Variants in FAM178B observed in about 807,000 individuals in gnomAD.
FAM178B encodes the protein family with sequence similarity 178 member B.
In FAM178B, 82 loss-of-function variants were observed where a neutral mutation model predicts 91.7. The observed-to-expected ratio is 0.89, with a 90% CI of 0.75 to 1.07. The LOEUF (loss-of-function observed/expected upper bound fraction) is 1.07, where lower values mean the gene tolerates loss of function less well. Among genes scored for constraint, FAM178B ranks in the 50% least tolerant of loss-of-function variants. The pLI is 0.00. For synonymous variants in FAM178B, 368 were observed against 359.4 expected (o/e 1.02, Z -0.27); for missense variants, 769 against 846.7 (o/e 0.91, Z 1.14).
chr2:96,933,298 C>T (rs1257498693), intron 8 of FAM178B, among the ~76,000 whole-genome samples: 1 of 152,086 alleles, frequency 6.6e-6, no homozygotes, highest in African/African-American at 2.4e-5. Flanking sequence ...AGCCCAAAGA[C>T]TCTGGGCTCT....
At chr2:96,937,933 C>T (rs1042822197) in intron 8 of FAM178B, among the ~76,000 whole-genome samples, 4 of 152,132 alleles carry the variant, frequency 2.6e-5, no homozygotes, top group Non-Finnish European at 5.9e-5. Flanking sequence ...GACGCTGAGG[C>T]AGGAGGATCA....
chr2:96,927,290 AG>A (rs2081458115), intron 9 of FAM178B, among the ~76,000 whole-genome samples: 1 of 152,226 alleles, frequency 6.6e-6, no homozygotes, highest in African/African-American at 2.4e-5. Context: ...AAGCCTCCCC[AG>A]CCCTGAGGGG....
At chr2:96,925,905 C>A (rs1207329277) in intron 9 of FAM178B, among the ~76,000 whole-genome samples, 1 of 152,228 alleles carries the variant, frequency 6.6e-6, no homozygotes, top group Admixed American at 6.5e-5. Context: ...TAACCAAGAG[C>A]TGCCTCTTTA....
chr2:96,930,871 CCT>C (rs2081528513), intron 8 of FAM178B, among the ~76,000 whole-genome samples: 3 of 152,110 alleles, frequency 2.0e-5, no homozygotes, highest in African/African-American at 7.2e-5. Flanking sequence ...GCTGGTTGCC[CCT>C]TTTACCCTTC....
At chr2:96,941,817 C>T (rs1172870509) in intron 8 of FAM178B, among the ~76,000 whole-genome samples, 2 of 152,214 alleles carry the variant, frequency 1.3e-5, no homozygotes, top group African/African-American at 2.4e-5. Flanking sequence ...GTTTTGATCT[C>T]GCTGATAGAG....
intron 1 of FAM178B, among the ~76,000 whole-genome samples, chr2:96,978,189 T>A (rs2082317110): frequency 6.6e-6 from 1 of 152,086 alleles, no homozygotes; most frequent in Admixed American, 6.6e-5. Context: ...TCTCAGAAAA[T>A]TAGGTGTTTG....
intron 13 of FAM178B, chr2:96,898,165 T>C: frequency 1.0e-6 from 1 of 970,442 alleles, no homozygotes; most frequent in African/African-American, 1.8e-5. Context: ...TTGATAGGAT[T>C]TCTCCAGCAC....
rs867314389 is a variant in FAM178B at position 96,875,964 on chromosome 2, T to C, written c.*312A>G. On this transcript the variant is annotated 3_prime_UTR_variant, in exon 17 of 17. Coordinates refer to ENST00000490605, the MANE Select transcript of FAM178B (RefSeq NM_001122646.3). ...ACAGAGGAAGGAGGGTGGGGAGGAC[T>C]GAGGCCCAGGGAAACCAGAGCTATG... is the stretch of plus-strand genomic sequence containing the variant. The C allele has an allele frequency of 1.5e-4, 64 of 425,056 alleles. No homozygotes were observed. In the Middle Eastern group the frequency reaches 1.5e-3, roughly 10 times the overall value. 26.3% of individuals were successfully genotyped at this position (425,056 alleles called of 1,614,324 possible).
Position 96,895,041 on chromosome 2 carries a change from A to C in FAM178B, c.1651-990T>G, listed in dbSNP as rs1323459442. The C allele has an allele frequency of 4.7e-6, 6 of 1,287,738 alleles. No homozygotes were observed. The South Asian group carries it at 6.2e-5, about 13-fold the overall frequency. The allele number at this position is 1,287,738 out of a possible 1,614,324, so 79.8% of individuals were successfully genotyped here. Reference sequence around the variant, plus strand: ...CACCATGAAGAGAGACCATGGACTAAGTCCCCAACAGTCCATCACCATGAG... The same window carrying C: ...CACCATGAAGAGAGACCATGGACTACGTCCCCAACAGTCCATCACCATGAG... On this transcript the variant is annotated intron_variant, in intron 13 of 16. Coordinates refer to ENST00000490605, the MANE Select transcript of FAM178B (RefSeq NM_001122646.3).
At chr2:96,885,198 C>A (rs1474509786) in intron 14 of FAM178B, among the ~76,000 whole-genome samples, 1 of 152,242 alleles carries the variant, frequency 6.6e-6, no homozygotes, top group Non-Finnish European at 1.5e-5. Context: ...GCAGGACTTC[C>A]GGCTCTGCTG....
chr2:96,936,184 T>A (rs1320576322), intron 8 of FAM178B, among the ~76,000 whole-genome samples: 1 of 152,064 alleles, frequency 6.6e-6, no homozygotes, highest in Non-Finnish European at 1.5e-5. Flanking sequence ...AAAGTATTCT[T>A]CTTTTTATTT....
chr2:96,972,705 C>T (rs1290821831), intron 1 of FAM178B, 99 bp from the exon 2 acceptor site: 2 of 1,131,888 alleles, frequency 1.8e-6, no homozygotes, highest in African/African-American at 1.5e-5. Flanking sequence ...GCCCACTGTG[C>T]CCAAGAGGGT....
At chr2:96,965,004 T>G (rs1332786869) in intron 5 of FAM178B, among the ~76,000 whole-genome samples, 1 of 152,156 alleles carries the variant, frequency 6.6e-6, no homozygotes, top group African/African-American at 2.4e-5. Flanking sequence ...TATTTATTAT[T>G]TACTTTTATT....
chr2:96,944,039 T>G (rs912604507), intron 8 of FAM178B, among the ~76,000 whole-genome samples: 2 of 152,116 alleles, frequency 1.3e-5, no homozygotes, highest in African/African-American at 4.8e-5. Context: ...GGCCAGGAGT[T>G]CGAGACCAGA....
intron 12 of FAM178B, 100 bp downstream of exon 12, chr2:96,921,065 G>T: frequency 1.1e-6 from 1 of 904,820 alleles, no homozygotes; most frequent in Non-Finnish European, 1.8e-6. Flanking sequence ...AAATTGGGCA[G>T]GGGAGGTTTG....
chr2:96,898,247 A>T (rs2080860045), intron 13 of FAM178B: 2 of 438,364 alleles, frequency 4.6e-6, no homozygotes, highest in Non-Finnish European at 6.1e-6. Context: ...AAGCCCAAGG[A>T]CCCAGCAGGG....
intron 8 of FAM178B, among the ~76,000 whole-genome samples, chr2:96,945,569 A>G (rs1251803241): frequency 1.3e-5 from 2 of 151,914 alleles, no homozygotes; most frequent in Admixed American, 6.6e-5. Context: ...CGCACACACA[A>G]ATCATAGATA....
intron 1 of FAM178B, among the ~76,000 whole-genome samples, chr2:96,974,788 T>C (rs985291102): frequency 6.6e-6 from 1 of 152,028 alleles, no homozygotes; most frequent in African/African-American, 2.4e-5. Context: ...GATTATATAT[T>C]GACACAAGAA....
chr2:96,945,395 G>A (rs768399303), intron 8 of FAM178B, among the ~76,000 whole-genome samples: 5 of 151,888 alleles, frequency 3.3e-5, no homozygotes, highest in Non-Finnish European at 7.4e-5. Flanking sequence ...TTACTCAGCA[G>A]GTTGGGATAA....
Sources: gnomAD v4.1 joint callset for allele counts (sites outside exome capture counted in the v4.1 genomes callset) on GRCh38, gnomAD v4.1.1 for gene constraint, MANE v1.5 for transcripts, NCBI Gene and HGNC (gene_info 2026-07-23, HGNC 2026-07-21) for gene names.